Variants in ACSL4 observed in about 807,000 individuals in gnomAD.
ACSL4 encodes the protein acyl-CoA synthetase long chain family member 4, also known as long-chain-fatty-acid--CoA ligase 4.
ACSL4 carries 9 observed loss-of-function variants against 49.1 expected under a neutral mutation model. The observed-to-expected ratio is 0.18, with a 90% CI of 0.11 to 0.32. The LOEUF (loss-of-function observed/expected upper bound fraction) is 0.32. Among genes scored for constraint, ACSL4 ranks in the 10% least tolerant of loss-of-function variants. ACSL4 has a pLI of 1.00. For missense variants in ACSL4, 333 were observed against 493.7 expected (o/e 0.67, Z 3.08); for synonymous variants, 191 against 170.3 (o/e 1.12, Z -0.95).
chrX:109,647,215 T>C (rs1045613025), intron 15 of ACSL4, among the ~76,000 whole-genome samples: 2 of 111,463 alleles, frequency 1.8e-5, no homozygotes, highest in African/African-American at 6.5e-5. Flanking sequence ...ATCAACAGAA[T>C]ATACATTTTT....
chrX:109,671,807 G>A (rs1923268258), intron 9 of ACSL4, among the ~76,000 whole-genome samples: 1 of 111,128 alleles, frequency 9.0e-6, no homozygotes, highest in Non-Finnish European at 1.9e-5. Context: ...AACATGTGCT[G>A]TGTCCACTAA....
In ACSL4 at chrX:109,678,027, G is replaced by A. The variant is rs759787657; in HGVS notation, c.891C>T (p.Cys297=). The change falls in exon 8 of 16, where the codon TGC becomes TGT. Residue 297 remains cysteine, a synonymous_variant. Transcript: ENST00000672401. The stretch of plus-strand genomic sequence containing the variant: ...TAAGCGGAGAAGAATATCCAATCCT[G>A]CAGCCATAGGTAAAGCAAGATATCT... The part of the protein sequence containing the change: ...TAEISCFTYG[C]RIGYSSPLTL... 6 of 1,209,723 alleles carry A rather than the reference G, an allele frequency of 5.0e-6. No individual in the cohort carries two copies. In the African/African-American group the frequency reaches 8.7e-5, roughly 18 times the overall value.
intron 2 of ACSL4, among the ~76,000 whole-genome samples, chrX:109,694,727 T>G (rs759399503): frequency 8.9e-6 from 1 of 111,876 alleles, no homozygotes; most frequent in South Asian, 3.7e-4. Context: ...CTTATTTTTC[T>G]CACTTCACCA....
chrX:109,699,956 G>A (rs1295886368), intron 1 of ACSL4, among the ~76,000 whole-genome samples: 1 of 110,499 alleles, frequency 9.0e-6, no homozygotes, highest in East Asian at 2.8e-4. Context: ...AGTGGCTCAC[G>A]CCTGTAATCC....
rs1281375671 is a variant in ACSL4 at position 109,670,579 on chromosome X, C to T, written c.1003-1406G>A. On this transcript the variant is annotated intron_variant, in intron 9 of 15. Transcript: ENST00000672401. ...TAGCCTGGGTGACAGAGCAAGACTCCGTCTCAAAAAAAAAAAAAAAGCTCT... is the reference window on the plus strand; with the variant it reads ...TAGCCTGGGTGACAGAGCAAGACTCTGTCTCAAAAAAAAAAAAAAAGCTCT... Among the ~76,000 whole-genome samples the T allele has an allele frequency of 3.9e-5, 4 of 102,105 alleles. No individual in the cohort carries two copies. In the East Asian group the frequency reaches 1.3e-3, roughly 32 times the overall value. 88.7% of individuals were successfully genotyped at this position (102,105 alleles called of 115,157 possible). A position where few individuals can be genotyped will look rare whatever the true frequency, so the allele number is the denominator to read the frequency against.
At chrX:109,708,120 A>G (rs1043235905) in intron 1 of ACSL4, among the ~76,000 whole-genome samples, 5 of 111,350 alleles carry the variant, frequency 4.5e-5, no homozygotes, top group Non-Finnish European at 3.8e-5. Flanking sequence ...AATTTTTTGT[A>G]TTTTTGGTAG....
At chrX:109,688,068 C>T (rs922432985) in intron 2 of ACSL4, among the ~76,000 whole-genome samples, 1 of 112,142 alleles carries the variant, frequency 8.9e-6, no homozygotes, top group Non-Finnish European at 1.9e-5. Context: ...CCGCACTAGT[C>T]CACTCACTGG....
chrX:109,649,613 T>C (rs1173977383), intron 15 of ACSL4, among the ~76,000 whole-genome samples: 1 of 111,442 alleles, frequency 9.0e-6, no homozygotes, highest in Non-Finnish European at 1.9e-5. Context: ...GACATAGGCA[T>C]GGGCAAGGAC....
At chrX:109,659,214 A>C (rs983583224) in intron 15 of ACSL4, 140 bp downstream of exon 15, 25 of 562,855 alleles carry the variant, frequency 4.4e-5, no homozygotes, top group Admixed American at 1.6e-4. Context: ...CAACATGGAA[A>C]TCCATTATAC....
intron 1 of ACSL4, among the ~76,000 whole-genome samples, chrX:109,701,918 A>C (rs1473140419): frequency 9.7e-6 from 1 of 102,733 alleles, no homozygotes; most frequent in Non-Finnish European, 2.0e-5. Flanking sequence ...AAAAAAAAAA[A>C]AAAAAACTGG....
At chrX:109,702,487 G>A (rs954986634) in intron 1 of ACSL4, among the ~76,000 whole-genome samples, 1 of 111,893 alleles carries the variant, frequency 8.9e-6, no homozygotes, top group African/African-American at 3.2e-5. Flanking sequence ...GATTCAAAAG[G>A]GTATGATCAT....
intron 1 of ACSL4, among the ~76,000 whole-genome samples, chrX:109,724,116 A>C (rs756675699): frequency 8.0e-5 from 9 of 111,976 alleles, no homozygotes; most frequent in Middle Eastern, 4.2e-3. Context: ...GATTTAGAAC[A>C]ATTGGTTATG....
In ACSL4 at chrX:109,682,707, C is replaced by T. The variant is rs375206967; in HGVS notation, c.406+12G>A. On this transcript the variant is annotated intron_variant, in intron 4 of 15. Transcript: ENST00000672401. ...CCCTCCTCTCCCCCCTCCAAAAACACAAGGCACTTACGAGGAAAGTTGTAC... is the reference window on the plus strand; with the variant it reads ...CCCTCCTCTCCCCCCTCCAAAAACATAAGGCACTTACGAGGAAAGTTGTAC... 5 of 1,209,452 alleles carry T rather than the reference C, an allele frequency of 4.1e-6. No individual in the cohort carries two copies. In the African/African-American group the frequency reaches 8.8e-5, roughly 21 times the overall value.
intron 1 of ACSL4, among the ~76,000 whole-genome samples, chrX:109,710,703 TTTTAA>T (rs1364530672): frequency 1.8e-5 from 2 of 111,900 alleles, no homozygotes; most frequent in Non-Finnish European, 3.8e-5. Context: ...TAATTTTATT[TTTTAA>T]TTTTTAATTT....
At chrX:109,670,089 AATG>A (rs1189064534) in intron 9 of ACSL4, among the ~76,000 whole-genome samples, 1 of 112,475 alleles carries the variant, frequency 8.9e-6, no homozygotes, top group Non-Finnish European at 1.9e-5. Context: ...ACTACCACTA[AATG>A]ATGTTTTCTT....
At chrX:109,687,974 G>A (rs1924739607) in intron 2 of ACSL4, among the ~76,000 whole-genome samples, 1 of 111,343 alleles carries the variant, frequency 9.0e-6, no homozygotes, top group Non-Finnish European at 1.9e-5. Flanking sequence ...TTTGCTGTGA[G>A]AAACACATGA....
intron 15 of ACSL4, among the ~76,000 whole-genome samples, chrX:109,650,240 C>A (rs760387229): frequency 9.9e-5 from 11 of 110,924 alleles, no homozygotes; most frequent in Non-Finnish European, 3.8e-5. Context: ...ATGTTTACTG[C>A]GGCATTATTC....
At chrX:109,700,617 G>A (rs1334125195) in intron 1 of ACSL4, among the ~76,000 whole-genome samples, 3 of 110,710 alleles carry the variant, frequency 2.7e-5, no homozygotes, top group Non-Finnish European at 5.7e-5. Flanking sequence ...CACTTGATTC[G>A]TAAATATTAA....
chrX:109,654,056 A>G (rs1007374727), intron 15 of ACSL4, among the ~76,000 whole-genome samples: 3 of 110,184 alleles, frequency 2.7e-5, no homozygotes, highest in African/African-American at 9.9e-5. Flanking sequence ...AAATAATCAC[A>G]TAAGAAAATA....
Sources: allele counts gnomAD v4.1 joint callset (sites outside exome capture counted in the v4.1 genomes callset), GRCh38; gene constraint gnomAD v4.1.1; transcripts MANE v1.5; gene names NCBI Gene and HGNC (gene_info 2026-07-23, HGNC 2026-07-21).